FAM110B: variants seen among roughly 807,000 people sequenced by gnomAD.
The protein encoded by FAM110B is family with sequence similarity 110 member B.
FAM110B carries 6 observed loss-of-function variants against 20.4 expected under a neutral mutation model. The ratio of observed to expected loss-of-function variants is 0.29; its 90% CI spans 0.16 to 0.58. The LOEUF (loss-of-function observed/expected upper bound fraction) is 0.58. Among genes scored for constraint, FAM110B ranks in the 20% least tolerant of loss-of-function variants. FAM110B has a pLI of 0.90. For missense variants in FAM110B, 434 were observed against 498.2 expected (o/e 0.87, Z 1.23); for synonymous variants, 226 against 214.1 (o/e 1.06, Z -0.49).
chr8:58,121,423 T>C (rs898860751), intron 3 of FAM110B, among the ~76,000 whole-genome samples: 4 of 152,178 alleles, frequency 2.6e-5, no homozygotes, highest in African/African-American at 4.8e-5. Flanking sequence ...ATTTAGTAAG[T>C]TTTGAATCTA....
At chr8:58,018,809 AATAGATAGATAGATAGATAG>A (rs59685703) in intron 1 of FAM110B, among the ~76,000 whole-genome samples, 3 of 148,050 alleles carry the variant, frequency 2.0e-5, no homozygotes, top group African/African-American at 2.5e-5. Flanking sequence ...TAGGGATTAC[AATAGATAGATAGATAGATAG>A]ATAGATAGAT....
In FAM110B at chr8:58,147,348, G is replaced by C; in HGVS notation, c.*5G>C. 1 of 1,609,722 alleles carries C rather than the reference G, an allele frequency of 6.2e-7. No individual in the cohort carries two copies. Among genetic ancestry groups the C allele is most frequent in the Non-Finnish European group, 8.5e-7 (1 of 1,177,256 alleles). On this transcript the variant is annotated 3_prime_UTR_variant, in exon 4 of 4. Coordinates refer to ENST00000519262, the MANE Select transcript of FAM110B (RefSeq NM_001377989.1). ...CAGAAGGTCTCCCATGTGTAAGACA[G>C]TGCGTGGAAAGGAGGGAGCGTGGGT...
chr8:58,093,102 G>GT (rs1329721582), intron 3 of FAM110B, among the ~76,000 whole-genome samples: 13 of 151,566 alleles, frequency 8.6e-5, no homozygotes, highest in Non-Finnish European at 1.0e-4. Context: ...TCGTTTGTGG[G>GT]TTTTTTTTGT....
At chr8:58,007,654 C>T (rs1804438572) in intron 1 of FAM110B, among the ~76,000 whole-genome samples, 2 of 152,188 alleles carry the variant, frequency 1.3e-5, no homozygotes, top group Non-Finnish European at 2.9e-5. Flanking sequence ...CTCCCCTCCT[C>T]CTTCAGCTGT....
At chr8:58,019,326 G>A (rs1472127189) in intron 1 of FAM110B, among the ~76,000 whole-genome samples, 8 of 89,142 alleles carry the variant, frequency 9.0e-5, no homozygotes, top group Non-Finnish European at 1.6e-4. Context: ...GACAGAGTGA[G>A]ACTCTGTCTC....
At chr8:58,099,399 T>C (rs1806720659) in intron 3 of FAM110B, among the ~76,000 whole-genome samples, 1 of 152,170 alleles carries the variant, frequency 6.6e-6, no homozygotes, top group Non-Finnish European at 1.5e-5. Context: ...CCCACACATT[T>C]CAGATAAGTG....
At chr8:58,063,751 G>A (rs75050390) in intron 2 of FAM110B, among the ~76,000 whole-genome samples, 1 of 152,014 alleles carries the variant, frequency 6.6e-6, no homozygotes, top group Admixed American at 6.5e-5. Flanking sequence ...AGGACTTTTT[G>A]ATAACTTTAC....
At chr8:58,098,014 C>T (rs1043978795) in intron 3 of FAM110B, among the ~76,000 whole-genome samples, 8 of 152,222 alleles carry the variant, frequency 5.3e-5, no homozygotes, top group African/African-American at 1.7e-4. Context: ...TCAGGAGGCA[C>T]GGGGGTCAGG....
chr8:58,021,480 A>G (rs1341239572), intron 1 of FAM110B, among the ~76,000 whole-genome samples: 1 of 152,184 alleles, frequency 6.6e-6, no homozygotes, highest in African/African-American at 2.4e-5. Context: ...ACACATACAC[A>G]GAACCGATTC....
At chr8:58,033,666 C>T (rs545155376) in intron 2 of FAM110B, among the ~76,000 whole-genome samples, 40 of 152,256 alleles carry the variant, frequency 2.6e-4, no homozygotes, top group African/African-American at 8.7e-4. Flanking sequence ...TGAAAAAATA[C>T]TCAATGTCAC....
chr8:58,016,272 A>G lies in FAM110B; in HGVS notation c.-511-15334A>G, dbSNP rs1217009166. Reference sequence around the variant, plus strand: ...TGTATTATCTATTGTTGCATAACAAATGACGCCAAAACTTAGTGGCTCAAA... The same window carrying G: ...TGTATTATCTATTGTTGCATAACAAGTGACGCCAAAACTTAGTGGCTCAAA... On this transcript the variant is annotated intron_variant, in intron 1 of 3. Coordinates refer to ENST00000519262, the MANE Select transcript of FAM110B (RefSeq NM_001377989.1). Among the ~76,000 whole-genome samples, 4 of 152,252 alleles carry G rather than the reference A, an allele frequency of 2.6e-5. No homozygotes were observed. In the East Asian group the frequency reaches 7.7e-4, roughly 29 times the overall value.
chr8:58,077,514 C>A (rs984853330), intron 3 of FAM110B, among the ~76,000 whole-genome samples: 5 of 152,182 alleles, frequency 3.3e-5, no homozygotes, highest in African/African-American at 1.2e-4. Context: ...GTAGACCTGG[C>A]CTTCACCTCA....
At chr8:58,111,936 C>T (rs186678803) in intron 3 of FAM110B, among the ~76,000 whole-genome samples, 2 of 152,280 alleles carry the variant, frequency 1.3e-5, no homozygotes, top group East Asian at 3.9e-4. Context: ...GGGTTAGTTA[C>T]ACTTCAAGCA....
In FAM110B at chr8:58,071,888, CT is replaced by C. The variant is rs1563358792; in HGVS notation, c.-413-3645del. 8.5e-5 allele frequency among the ~76,000 whole-genome samples: 13 copies of C among 152,306 alleles called. No individual in the cohort carries two copies. The South Asian group carries it at 2.7e-3, about 32-fold the overall frequency. On this transcript the variant is annotated intron_variant, in intron 2 of 3. Coordinates refer to ENST00000519262, the MANE Select transcript of FAM110B (RefSeq NM_001377989.1). ...AACAGTCGTTCTACTTCACATTCCACTTCCTTGATACAAACCACGCCTGTTC... is the reference window on the plus strand; with the variant it reads ...AACAGTCGTTCTACTTCACATTCCACTCCTTGATACAAACCACGCCTGTTC...
rs569731321 is a variant in FAM110B at position 58,090,164 on chromosome 8, G to A, written c.-325+14541G>A. Among the ~76,000 whole-genome samples the A allele has an allele frequency of 2.6e-5, 4 of 152,132 alleles. No individual in the cohort carries two copies. The South Asian group carries it at 6.2e-4, about 24-fold the overall frequency. On this transcript the variant is annotated intron_variant, in intron 3 of 3. Coordinates refer to ENST00000519262, the MANE Select transcript of FAM110B (RefSeq NM_001377989.1). ...AGTAAATATATTTTCTCTTTTTTGGGGGGCAGGGGGGCGGAGACAAAGTCT... is the reference window on the plus strand; with the variant it reads ...AGTAAATATATTTTCTCTTTTTTGGAGGGCAGGGGGGCGGAGACAAAGTCT...
At chr8:58,008,433 G>T (rs1804459825) in intron 1 of FAM110B, among the ~76,000 whole-genome samples, 1 of 151,966 alleles carries the variant, frequency 6.6e-6, no homozygotes, top group Non-Finnish European at 1.5e-5. Flanking sequence ...GCGCCTGGCT[G>T]CATTTTTTCA....
At chr8:58,141,891 C>T (rs545225615) in intron 3 of FAM110B, among the ~76,000 whole-genome samples, 18 of 152,276 alleles carry the variant, frequency 1.2e-4, no homozygotes, top group East Asian at 9.6e-4. Flanking sequence ...ACAAATTGCC[C>T]GGATTACAGG....
chr8:58,044,331 A>G (rs1277055484), intron 2 of FAM110B, among the ~76,000 whole-genome samples: 2 of 152,246 alleles, frequency 1.3e-5, no homozygotes, highest in Non-Finnish European at 2.9e-5. Context: ...GCTGCCTGAC[A>G]GCCTTATTTA....
chr8:58,036,915 T>G (rs993412562), intron 2 of FAM110B, among the ~76,000 whole-genome samples: 2 of 152,220 alleles, frequency 1.3e-5, no homozygotes, highest in African/African-American at 4.8e-5. Flanking sequence ...AAGAGTATAC[T>G]GGTTTTGTGA....
Sources: gnomAD v4.1 joint callset for allele counts (sites outside exome capture counted in the v4.1 genomes callset) on GRCh38, gnomAD v4.1.1 for gene constraint, MANE v1.5 for transcripts, NCBI Gene and HGNC (gene_info 2026-07-23, HGNC 2026-07-21) for gene names.